BRSK2: variants seen among roughly 807,000 people sequenced by gnomAD.
BRSK2 encodes BR serine/threonine kinase 2, also known as serine/threonine-protein kinase BRSK2.
BRSK2 carries 19 observed loss-of-function variants against 83.3 expected under a neutral mutation model. The ratio of observed to expected loss-of-function variants is 0.23; its 90% CI spans 0.16 to 0.33. The LOEUF (loss-of-function observed/expected upper bound fraction) is 0.33. BRSK2 is among the 10% of genes least tolerant of loss of function. The probability of loss-of-function intolerance (pLI) is 1.00; values close to 1 mark genes in which losing one functional copy is unlikely to be tolerated. For synonymous variants in BRSK2, 519 were observed against 435.4 expected, an observed-to-expected ratio of 1.19 and a Z score of -2.39; for missense variants, 798 against 1,042.3, an observed-to-expected ratio of 0.77 and a Z score of 3.23.
chr11:1,408,817 G>A (rs1019883996), intron 1 of BRSK2, among the ~76,000 whole-genome samples: 1 of 148,824 alleles, frequency 6.7e-6, no homozygotes, highest in African/African-American at 2.6e-5. Context: ...GTGCTGGTGT[G>A]TGTGTGTGTG....
At chr11:1,446,159 G>A (rs1414992701) in intron 12 of BRSK2, among the ~76,000 whole-genome samples, 1 of 150,064 alleles carries the variant, frequency 6.7e-6, no homozygotes, top group Non-Finnish European at 1.5e-5. Context: ...GCTAGGCTGA[G>A]CTGGGCTGGC....
In BRSK2 at chr11:1,454,228, G is replaced by A; in HGVS notation, c.1545-257G>A. On this transcript the variant is annotated intron_variant, in intron 15 of 19. Transcript: ENST00000528841. The surrounding 1 kb of genome is among the most constrained non-coding windows in gnomAD (Gnocchi z 5.2). ...AGACTTGGGAGTGGGTGGCATATGG[G>A]CCAGGGTCAGGGCGTTAGGGCTTGG... 2.8e-6 allele frequency: 1 copy of A among 363,262 alleles called. No individual in the cohort carries two copies. The highest frequency in any genetic ancestry group is 5.0e-6 in the Non-Finnish European group (1 of 199,724). The allele number at this position is 363,262 out of a possible 1,614,324, so 22.5% of individuals were successfully genotyped here. A position where few individuals can be genotyped will look rare whatever the true frequency, so the allele number is the denominator to read the frequency against.
At position 1,443,367 on chromosome 11, in the gene BRSK2, G is replaced by A. The variant is rs1465493128; in HGVS notation, c.597G>A (p.Val199=). The change falls in exon 7 of 20, where the codon GTG becomes GTA. Residue 199 remains valine (V), a synonymous_variant. Coordinates refer to ENST00000528841, the MANE Select transcript of BRSK2 (RefSeq NM_001256627.2). ...GEKYDGRKAD[V]WSCGVILFAL... ...AGTATGACGGCCGGAAGGCGGACGTGTGGAGCTGCGGCGTCATCCTGTTCG... is the reference window on the plus strand; with the variant it reads ...AGTATGACGGCCGGAAGGCGGACGTATGGAGCTGCGGCGTCATCCTGTTCG... 2.5e-6 allele frequency: 4 copies of A among 1,608,418 alleles called. No individual in the cohort carries two copies. Among genetic ancestry groups the A allele is most frequent in the African/African-American group, 2.7e-5 (2 of 74,848 alleles).
intron 15 of BRSK2, among the ~76,000 whole-genome samples, chr11:1,452,511 G>A (rs868642363): frequency 9.9e-5 from 15 of 152,242 alleles, no homozygotes; most frequent in Admixed American, 7.9e-4. Context: ...TGGCTTTGAT[G>A]CCACTGTGGC....
At position 1,447,909 on chromosome 11, in the gene BRSK2, C is replaced by G. The variant is rs532325668; in HGVS notation, c.1227-1867C>G. The stretch of plus-strand genomic sequence containing the variant: ...TCCCCGCACCTCCCAGCCCCAGACA[C>G]GCTGTCCTGCCTCAGGCCGGGCAGG... On this transcript the variant is annotated intron_variant, in intron 12 of 19. Coordinates refer to ENST00000528841, the MANE Select transcript of BRSK2 (RefSeq NM_001256627.2). 3 of 1,539,090 alleles carry G rather than the reference C, an allele frequency of 1.9e-6. No homozygotes were observed. The East Asian group carries it at 7.0e-5, about 36-fold the overall frequency.
At position 1,461,166 on chromosome 11, in the gene BRSK2, G is replaced by A. The variant is rs1478941024; in HGVS notation, c.*443G>A. On this transcript the variant is annotated 3_prime_UTR_variant, in exon 20 of 20. Coordinates refer to ENST00000528841, the MANE Select transcript of BRSK2 (RefSeq NM_001256627.2). ...CGTGGGAGGAAGGCCAGGCTCGGGG[G>A]AGCCTCCTCCAGCCCGGCCGACCCG... is the stretch of plus-strand genomic sequence containing the variant. 8 of 984,870 alleles carry A rather than the reference G, an allele frequency of 8.1e-6. No individual in the cohort carries two copies. The East Asian group carries it at 8.5e-5, about 10-fold the overall frequency. 61.0% of individuals were successfully genotyped at this position (984,870 alleles called of 1,614,324 possible). A position where few individuals can be genotyped will look rare whatever the true frequency, so the allele number is the denominator to read the frequency against.
Position 1,454,726 on chromosome 11 carries a change from C to T in BRSK2, c.1668+118C>T, listed in dbSNP as rs553739182. 250 of 1,335,588 alleles carry T rather than the reference C, an allele frequency of 1.9e-4. No homozygotes were observed. The highest frequency in any genetic ancestry group is 2.7e-4 in the Middle Eastern group (1 of 3,740). The allele number at this position is 1,335,588 out of a possible 1,614,324, so 82.7% of individuals were successfully genotyped here. On this transcript the variant is annotated intron_variant, in intron 16 of 19. Transcript: ENST00000528841. This position sits in a 1 kb window ranked among gnomAD's most constrained non-coding sequence, Gnocchi z 5.2. ...TGTCCACGCGCACAGCACGGACGTC[C>T]GCTCACCCGTGGGCCTGCCTGGCCG...
At chr11:1,459,344 G>GTGTAGA (rs1847109703) in intron 19 of BRSK2, 105 bp downstream of exon 19, 1 of 1,347,272 alleles carries the variant, frequency 7.4e-7, no homozygotes, top group Non-Finnish European at 1.1e-6. Context: ...CGGCCTCCCT[G>GTGTAGA]TGTAGATGTA....
At chr11:1,429,306 GGTGT>G (rs1328174256) in intron 1 of BRSK2, among the ~76,000 whole-genome samples, 3 of 108,848 alleles carry the variant, frequency 2.8e-5, no homozygotes, top group East Asian at 4.2e-4. Flanking sequence ...GTGTGTCCTG[GGTGT>G]GTGTGCGTGT....
At chr11:1,445,958 C>G (rs372891764) in intron 12 of BRSK2, 51 bp downstream of exon 12, 6 of 1,544,618 alleles carry the variant, frequency 3.9e-6, no homozygotes, top group Non-Finnish European at 5.2e-6. Flanking sequence ...CCTGGCTGCG[C>G]GGCACTGCCG....
intron 1 of BRSK2, among the ~76,000 whole-genome samples, chr11:1,425,973 TCTG>T (rs1241023275): frequency 6.6e-6 from 1 of 152,194 alleles, no homozygotes; most frequent in African/African-American, 2.4e-5. Flanking sequence ...GGGCTGAGGT[TCTG>T]CTGTCCGGTG....
chr11:1,447,908 A>T, intron 12 of BRSK2: 1 of 1,543,378 alleles, frequency 6.5e-7, no homozygotes, highest in Non-Finnish European at 8.8e-7. Flanking sequence ...AGCCCCAGAC[A>T]CGCTGTCCTG....
rs531546310 is a variant in BRSK2 at position 1,460,322 on chromosome 11, CG to C, written c.1988-176del. On this transcript the variant is annotated intron_variant, in intron 19 of 19. Coordinates refer to ENST00000528841, the MANE Select transcript of BRSK2 (RefSeq NM_001256627.2). ...CCTGCCCACCCTGCTTGCCGCCCAC[CG>C]GTCCCCGCTCGGCCCCATCTCAGCC... 1.3e-3 allele frequency among the ~76,000 whole-genome samples: 193 copies of C among 152,138 alleles called. 1 individual carries two copies. Among genetic ancestry groups the C allele is most frequent in the African/African-American group, 4.5e-3 (186 of 41,510 alleles).
At chr11:1,429,013 GGTGT>G (rs1317164521) in intron 1 of BRSK2, among the ~76,000 whole-genome samples, 1 of 149,136 alleles carries the variant, frequency 6.7e-6, no homozygotes, top group African/African-American at 2.5e-5. Context: ...TGTGTGCATG[GGTGT>G]GTGTACACGG....
intron 12 of BRSK2, among the ~76,000 whole-genome samples, chr11:1,446,518 C>A (rs966744514): frequency 1.3e-5 from 2 of 152,142 alleles, no homozygotes; most frequent in Non-Finnish European, 2.9e-5. Context: ...ATCAGCCCAG[C>A]AAGCCTGTCC....
chr11:1,407,626 C>T lies in BRSK2; in HGVS notation c.91+17251C>T, dbSNP rs116815065. On this transcript the variant is annotated intron_variant, in intron 1 of 19. Transcript: ENST00000528841. The stretch of plus-strand genomic sequence containing the variant: ...GTTCTAGACCCTCTAGGGGCCTCGA[C>T]GCAGCCCCTAAACTAGGACACTAGC... Among the ~76,000 whole-genome samples the T allele has an allele frequency of 9.0e-3, 1,369 of 152,330 alleles. 21 individuals are homozygous for T. Among genetic ancestry groups the T allele is most frequent in the African/African-American group, 0.031 (1,274 of 41,556 alleles).
chr11:1,426,246 ATGTGTGTGGGGCG>A (rs1564826599), intron 1 of BRSK2, among the ~76,000 whole-genome samples: 62 of 145,236 alleles, frequency 4.3e-4, no homozygotes, highest in Admixed American at 1.1e-3. Context: ...TGCTCCGGGG[ATGTGTGTGGGGCG>A]TGCTCCGGGG....
intron 1 of BRSK2, among the ~76,000 whole-genome samples, chr11:1,407,188 T>A (rs969904798): frequency 2.0e-5 from 3 of 152,130 alleles, no homozygotes; most frequent in Non-Finnish European, 4.4e-5. Context: ...GGTGTCTGCG[T>A]GGGTCCCCCA....
intron 1 of BRSK2, among the ~76,000 whole-genome samples, chr11:1,399,791 G>A (rs1028817961): frequency 6.6e-6 from 1 of 152,176 alleles, no homozygotes; most frequent in African/African-American, 2.4e-5. Flanking sequence ...CGGTGCCGTC[G>A]GGCCCAGCCT....
Sources: gnomAD v4.1 joint callset for allele counts (sites outside exome capture counted in the v4.1 genomes callset) on GRCh38, gnomAD v4.1.1 for gene constraint, Gnocchi (gnomAD v3.1) non-coding constraint, MANE v1.5 for transcripts, NCBI Gene and HGNC (gene_info 2026-07-23, HGNC 2026-07-21) for gene names.